Variants in PARK7 observed in about 807,000 individuals in gnomAD.
The protein encoded by PARK7 is Parkinsonism associated deglycase, also known as Parkinson disease protein 7.
A neutral mutation model predicts 20.5 loss-of-function variants in PARK7; 14 were observed. The ratio of observed to expected loss-of-function variants is 0.68; its 90% CI spans 0.45 to 1.07. The LOEUF is 1.07. Among genes scored for constraint, PARK7 ranks in the 50% least tolerant of loss-of-function variants. The pLI is 0.00. For missense variants in PARK7, 234 were observed against 238.1 expected, an observed-to-expected ratio of 0.98 and a Z score of 0.11; for synonymous variants, 98 against 84.3, an observed-to-expected ratio of 1.16 and a Z score of -0.89.
At chr1:7,961,910 C>T (rs911286000) in intron 1 of PARK7, 117 bp downstream of exon 1, 1 of 151,112 alleles carries the variant, frequency 6.6e-6, no homozygotes, top group Non-Finnish European at 1.5e-5. Flanking sequence ...GGCGCGGGGC[C>T]TGGGTCGGGG....
chr1:7,982,522 G>A lies in PARK7; in HGVS notation c.410-2372G>A, dbSNP rs564633154. Among the ~76,000 whole-genome samples the A allele has an allele frequency of 4.6e-5, 7 of 152,250 alleles. No individual in the cohort carries two copies. In the South Asian group the frequency reaches 1.0e-3, roughly 23 times the overall value. ...GGTAACCTTAAACCTTTTGCTTCTC[G>A]TGGTTAAAAGTCTGACAAGAACCGT... is the stretch of plus-strand genomic sequence containing the variant. On this transcript the variant is annotated intron_variant, in intron 6 of 6. Transcript: ENST00000338639.
At position 7,977,771 on chromosome 1, in the gene PARK7, GT is replaced by G. The variant is rs750178464; in HGVS notation, c.409+39del. 1.3e-5 allele frequency: 20 copies of G among 1,585,868 alleles called. 1 individual carries two copies. In the Admixed American group the frequency reaches 3.2e-4, roughly 25 times the overall value. On this transcript the variant is annotated intron_variant, in intron 6 of 6. Coordinates refer to ENST00000338639, the MANE Select transcript of PARK7 (RefSeq NM_007262.5). Reference sequence around the variant, plus strand: ...TATGCTTGTTTTTGTTTGTTTGTTTGTTTTTTGAGATGGAGTCTCGCTCCAT... The same window carrying G: ...TATGCTTGTTTTTGTTTGTTTGTTTGTTTTTGAGATGGAGTCTCGCTCCAT...
chr1:7,964,018 T>C (rs1015727357), intron 2 of PARK7, among the ~76,000 whole-genome samples: 2 of 152,094 alleles, frequency 1.3e-5, no homozygotes, highest in African/African-American at 4.8e-5. Flanking sequence ...TTTCACCATC[T>C]TGGCCAGGCT....
chr1:7,970,537 G>A (rs1227814782), intron 4 of PARK7, among the ~76,000 whole-genome samples: 1 of 152,142 alleles, frequency 6.6e-6, no homozygotes, highest in African/African-American at 2.4e-5. Flanking sequence ...CAGACACAAG[G>A]GATCTTTTCC....
chr1:7,970,057 C>A (rs192068662), intron 4 of PARK7, among the ~76,000 whole-genome samples: 1 of 151,852 alleles, frequency 6.6e-6, no homozygotes, highest in Non-Finnish European at 1.5e-5. Flanking sequence ...TAGCTGGGCA[C>A]GGTGGTGCAC....
intron 6 of PARK7, among the ~76,000 whole-genome samples, chr1:7,982,223 G>A (rs1304426011): frequency 1.3e-5 from 2 of 151,212 alleles, no homozygotes; most frequent in African/African-American, 4.9e-5. Flanking sequence ...CTGACCTCAG[G>A]TGATCCACCT....
chr1:7,974,799 G>C (rs895151602), intron 5 of PARK7, among the ~76,000 whole-genome samples: 1 of 151,674 alleles, frequency 6.6e-6, no homozygotes, highest in Admixed American at 6.6e-5. Flanking sequence ...GAACAGAGGA[G>C]TGATGGAAGA....
In PARK7 at chr1:7,962,830, G is replaced by A. The variant is rs1298759249; in HGVS notation, c.45G>A (p.Glu15=). The change falls in exon 2 of 7, where the codon GAG becomes GAA. Residue 15 remains glutamate (E), a synonymous_variant. Transcript: ENST00000338639. ...TGGTCATCCTGGCTAAAGGAGCAGA[G>A]GAAATGGAGACGGTCATCCCTGTAG... ...RALVILAKGA[E]EMETVIPVDV... The A allele has an allele frequency of 5.0e-6, 8 of 1,613,486 alleles. No homozygotes were observed. In the South Asian group the frequency reaches 6.6e-5, roughly 13 times the overall value.
chr1:7,976,084 G>C (rs189127107), intron 5 of PARK7, among the ~76,000 whole-genome samples: 1 of 152,262 alleles, frequency 6.6e-6, no homozygotes, highest in Non-Finnish European at 1.5e-5. Flanking sequence ...TAACAGCTAC[G>C]GTCTGAGTAG....
At chr1:7,971,224 G>C in intron 5 of PARK7, 1 of 511,794 alleles carries the variant, frequency 2.0e-6, no homozygotes, top group Non-Finnish European at 3.6e-6. Context: ...AGGAAAATAA[G>C]GCCCTCTGGA....
chr1:7,984,015 G>A lies in PARK7; in HGVS notation c.410-879G>A, dbSNP rs370632123. 6.6e-6 allele frequency among the ~76,000 whole-genome samples: 1 copy of A among 152,182 alleles called. No individual in the cohort carries two copies. Among genetic ancestry groups the A allele is most frequent in the African/African-American group, 2.4e-5 (1 of 41,442 alleles). The stretch of plus-strand genomic sequence containing the variant: ...AGAATGCGGTGATAGAGTCAATAGA[G>A]GTACCTAATTTGGGGAGGTGGGGGT... On this transcript the variant is annotated intron_variant, in intron 6 of 6. Coordinates refer to ENST00000338639, the MANE Select transcript of PARK7 (RefSeq NM_007262.5). This position sits in a 1 kb window ranked among gnomAD's most constrained non-coding sequence, Gnocchi z 4.3.
intron 5 of PARK7, among the ~76,000 whole-genome samples, chr1:7,976,231 T>C (rs72854879): frequency 0.053 from 8,017 of 152,272 alleles, 697 homozygotes; most frequent in African/African-American, 0.18. Context: ...CCAGGGCACC[T>C]TAAGTGTTTC....
At chr1:7,971,267 G>A in intron 5 of PARK7, 1 of 425,394 alleles carries the variant, frequency 2.4e-6, no homozygotes, top group Non-Finnish European at 4.4e-6. Context: ...GCAAGTCTCT[G>A]TGCCAGAAAG....
At chr1:7,971,318 C>T (rs1640460715) in intron 5 of PARK7, 3 of 370,690 alleles carry the variant, frequency 8.1e-6, no homozygotes, top group African/African-American at 6.3e-5. Flanking sequence ...CATCAAACAT[C>T]AACACAGCAG....
intron 3 of PARK7, chr1:7,969,102 C>A (rs1424397286): frequency 2.2e-6 from 1 of 459,060 alleles, no homozygotes; most frequent in Non-Finnish European, 3.9e-6. Context: ...ATTATACTAC[C>A]CCTGCTACTC....
At chr1:7,972,966 A>G (rs755151834) in intron 5 of PARK7, among the ~76,000 whole-genome samples, 34 of 152,036 alleles carry the variant, frequency 2.2e-4, no homozygotes, top group Non-Finnish European at 4.0e-4. Context: ...AGGAGAATCT[A>G]TTGAACCCGG....
intron 5 of PARK7, among the ~76,000 whole-genome samples, chr1:7,973,393 C>G (rs1332804268): frequency 1.3e-5 from 2 of 152,212 alleles, no homozygotes; most frequent in African/African-American, 4.8e-5. Context: ...GATTCTTTGA[C>G]CAAAGGAAGA....
At chr1:7,972,858 G>A (rs529063340) in intron 5 of PARK7, among the ~76,000 whole-genome samples, 8 of 152,260 alleles carry the variant, frequency 5.3e-5, no homozygotes, top group Non-Finnish European at 8.8e-5. Flanking sequence ...GGCTAACATG[G>A]TGAAACCCCG....
At chr1:7,971,255 C>G (rs774053319) in intron 5 of PARK7, 2 of 448,114 alleles carry the variant, frequency 4.5e-6, no homozygotes, top group African/African-American at 2.0e-5. Flanking sequence ...CAGCTTGTTA[C>G]AGCAAGTCTC....
Sources: gnomAD v4.1 joint callset for allele counts (sites outside exome capture counted in the v4.1 genomes callset) on GRCh38, gnomAD v4.1.1 for gene constraint, Gnocchi (gnomAD v3.1) non-coding constraint, MANE v1.5 for transcripts, NCBI Gene and HGNC (gene_info 2026-07-23, HGNC 2026-07-21) for gene names.